SNAPC1: variants seen among roughly 807,000 people sequenced by gnomAD.
SNAPC1 encodes the protein small nuclear RNA activating complex polypeptide 1.
A neutral mutation model predicts 50.1 loss-of-function variants in SNAPC1; 42 were observed. That is an observed-to-expected ratio of 0.84 (90% confidence interval 0.65 to 1.08). The LOEUF (loss-of-function observed/expected upper bound fraction) is 1.08, where lower values mean the gene tolerates loss of function less well. SNAPC1 is among the 50% of genes least tolerant of loss of function. The pLI, the probability that SNAPC1 is intolerant of heterozygous loss-of-function variation, is 0.00. For missense variants in SNAPC1, 477 were observed against 427.3 expected (o/e 1.12, Z -1.02); for synonymous variants, 164 against 144.2 (o/e 1.14, Z -0.98).
At chr14:61,770,357 C>CAAGTGATTCTAGAT (rs2044979076) in intron 4 of SNAPC1, among the ~76,000 whole-genome samples, 1 of 151,468 alleles carries the variant, frequency 6.6e-6, no homozygotes, top group African/African-American at 2.4e-5. Context: ...ATTCTTGTGT[C>CAAGTGATTCTAGAT]TCAACCCACT....
At chr14:61,762,618 T>G (rs1288100757) in intron 1 of SNAPC1, 30 bp downstream of exon 1, 4 of 1,612,066 alleles carry the variant, frequency 2.5e-6, no homozygotes, top group Admixed American at 1.7e-5. Context: ...CACCCGCCTC[T>G]CCCTGCCCGC....
intron 9 of SNAPC1, 80 bp from the exon 10 acceptor site, chr14:61,794,869 C>T: frequency 1.1e-6 from 1 of 909,062 alleles, no homozygotes; most frequent in Non-Finnish European, 1.8e-6. Context: ...TAGGTATTAT[C>T]ATGTAAGTGT....
chr14:61,769,788 A>G (rs1165222237), intron 4 of SNAPC1, among the ~76,000 whole-genome samples: 2 of 152,212 alleles, frequency 1.3e-5, no homozygotes, highest in Non-Finnish European at 2.9e-5. Flanking sequence ...GTTTGAGTGT[A>G]CAGTATTGGG....
intron 7 of SNAPC1, 114 bp downstream of exon 7, chr14:61,779,024 G>C (rs1249523024): frequency 6.4e-6 from 4 of 626,192 alleles, no homozygotes; most frequent in Non-Finnish European, 5.6e-6. Context: ...AATAATGCTA[G>C]AGAGATTATA....
At position 61,778,338 on chromosome 14, in the gene SNAPC1, C is replaced by T. The variant is rs550893790; in HGVS notation, c.762+198C>T. On this transcript the variant is annotated intron_variant, in intron 6 of 9. Coordinates refer to ENST00000216294, the MANE Select transcript of SNAPC1 (RefSeq NM_003082.4). ...GGGAGAGAGGATGATAATAATTTTC[C>T]GCAGGGAAAGGAAAGCTTGACTATG... Among the ~76,000 whole-genome samples, 61 of 151,608 alleles carry T rather than the reference C, an allele frequency of 4.0e-4. 1 individual carries two copies. Among genetic ancestry groups the T allele is most frequent in the Middle Eastern group, 6.8e-3 (2 of 294 alleles).
chr14:61,791,697 A>T (rs2140186985), intron 8 of SNAPC1, among the ~76,000 whole-genome samples: 1 of 152,246 alleles, frequency 6.6e-6, no homozygotes, highest in Admixed American at 6.5e-5. Flanking sequence ...ACAAATACAG[A>T]AATTAGCTGA....
intron 4 of SNAPC1, among the ~76,000 whole-genome samples, chr14:61,772,653 G>A (rs1192417437): frequency 2.0e-5 from 3 of 152,238 alleles, no homozygotes; most frequent in Non-Finnish European, 2.9e-5. Context: ...GCCTCCCACA[G>A]TGCTGGGATT....
intron 4 of SNAPC1, among the ~76,000 whole-genome samples, chr14:61,771,976 A>ATTTC (rs1357828825): frequency 6.6e-6 from 1 of 152,216 alleles, no homozygotes; most frequent in Non-Finnish European, 1.5e-5. Context: ...GATACCAGAA[A>ATTTC]GTTGAGAAAT....
intron 8 of SNAPC1, among the ~76,000 whole-genome samples, chr14:61,787,770 A>C (rs1184991139): frequency 6.6e-6 from 1 of 152,236 alleles, no homozygotes; most frequent in Non-Finnish European, 1.5e-5. Flanking sequence ...TTGGTCCACA[A>C]GGACTCAAAT....
At chr14:61,768,780 G>A (rs200703997) in intron 4 of SNAPC1, 40 bp downstream of exon 4, 12 of 1,084,470 alleles carry the variant, frequency 1.1e-5, no homozygotes, top group African/African-American at 1.6e-5. Context: ...TTTAAAAATT[G>A]TTTTATTGCC....
chr14:61,784,766 A>C (rs556604830), intron 8 of SNAPC1, among the ~76,000 whole-genome samples: 1 of 152,224 alleles, frequency 6.6e-6, no homozygotes, highest in African/African-American at 2.4e-5. Context: ...CTTGTGTATT[A>C]GATTACAAAG....
intron 9 of SNAPC1, among the ~76,000 whole-genome samples, chr14:61,793,280 G>C (rs1469771891): frequency 6.6e-6 from 1 of 152,026 alleles, no homozygotes; most frequent in African/African-American, 2.4e-5. Flanking sequence ...GGTTGCCCAG[G>C]CTGGAGTGCG....
At position 61,771,724 on chromosome 14, in the gene SNAPC1, G is replaced by T. The variant is rs147493109; in HGVS notation, c.534+2984G>T. Among the ~76,000 whole-genome samples the T allele has an allele frequency of 2.1e-3, 316 of 152,288 alleles. 1 individual carries two copies. Among genetic ancestry groups the T allele is most frequent in the African/African-American group, 7.4e-3 (306 of 41,560 alleles). On this transcript the variant is annotated intron_variant, in intron 4 of 9. Transcript: ENST00000216294. ...CGAGCAAGGTTCCTGCTATGGAGGAGGTGGGTGTGTCTGCGATTGAGAGTC... is the reference window on the plus strand; with the variant it reads ...CGAGCAAGGTTCCTGCTATGGAGGATGTGGGTGTGTCTGCGATTGAGAGTC...
Position 61,770,776 on chromosome 14 carries a change from C to T in SNAPC1, c.534+2036C>T, listed in dbSNP as rs112987806. Reference sequence around the variant, plus strand: ...GAGATAGATTCTCTCACTCTGTAGCCCAAGTTGGAGTGCAGTGGCGCAATT... The same window carrying T: ...GAGATAGATTCTCTCACTCTGTAGCTCAAGTTGGAGTGCAGTGGCGCAATT... On this transcript the variant is annotated intron_variant, in intron 4 of 9. Transcript: ENST00000216294. Among the ~76,000 whole-genome samples, 1,439 of 152,044 alleles carry T rather than the reference C, an allele frequency of 9.5e-3. 7 individuals carry two copies. Among genetic ancestry groups the T allele is most frequent in the Middle Eastern group, 0.031 (9 of 294 alleles).
At chr14:61,764,555 G>T (rs1374210403) in intron 1 of SNAPC1, among the ~76,000 whole-genome samples, 1 of 152,114 alleles carries the variant, frequency 6.6e-6, no homozygotes, top group Non-Finnish European at 1.5e-5. Context: ...GGAAATTAAG[G>T]CTTAAAGAGG....
chr14:61,789,060 A>G (rs1013452945), intron 8 of SNAPC1, among the ~76,000 whole-genome samples: 15 of 151,966 alleles, frequency 9.9e-5, no homozygotes. Context: ...GTGAAACCCC[A>G]CCTCTACTGA....
At chr14:61,794,634 C>T (rs539820642) in intron 9 of SNAPC1, among the ~76,000 whole-genome samples, 6 of 151,996 alleles carry the variant, frequency 3.9e-5, no homozygotes, top group Non-Finnish European at 7.4e-5. Flanking sequence ...GGTCTCGATC[C>T]CCTGACCTCA....
At chr14:61,763,073 C>A (rs1259661023) in intron 1 of SNAPC1, among the ~76,000 whole-genome samples, 1 of 142,342 alleles carries the variant, frequency 7.0e-6, no homozygotes, top group Non-Finnish European at 1.5e-5. Flanking sequence ...TCAGTGCAAC[C>A]CTTCGCCTCT....
At chr14:61,783,529 T>TTTTG (rs2045092992) in intron 8 of SNAPC1, among the ~76,000 whole-genome samples, 1 of 71,596 alleles carries the variant, frequency 1.4e-5, no homozygotes, top group African/African-American at 6.8e-5. Flanking sequence ...TTTGGTTTGG[T>TTTTG]TTTTTTTTTT....
Sources: gnomAD v4.1 joint callset for allele counts (sites outside exome capture counted in the v4.1 genomes callset) on GRCh38, gnomAD v4.1.1 for gene constraint, MANE v1.5 for transcripts, NCBI Gene and HGNC (gene_info 2026-07-23, HGNC 2026-07-21) for gene names.